Variants in KCNMA1 observed in about 807,000 individuals in gnomAD.
The protein encoded by KCNMA1 is potassium calcium-activated channel subfamily M alpha 1.
A neutral mutation model predicts 140.0 loss-of-function variants in KCNMA1; 29 were observed. That is an observed-to-expected ratio of 0.21 (90% confidence interval 0.15 to 0.28). The LOEUF (loss-of-function observed/expected upper bound fraction) is 0.28, where lower values mean the gene tolerates loss of function less well. Among genes scored for constraint, KCNMA1 ranks in the 10% least tolerant of loss-of-function variants. The pLI, the probability that KCNMA1 is intolerant of heterozygous loss-of-function variation, is 1.00. For synonymous variants in KCNMA1, 612 were observed against 611.9 expected (o/e 1.00, Z 0.00); for missense variants, 880 against 1,602.2 (o/e 0.55, Z 7.70).
chr10:77,214,515 T>G (rs1346645179), intron 3 of KCNMA1, among the ~76,000 whole-genome samples: 2 of 152,216 alleles, frequency 1.3e-5, no homozygotes, highest in African/African-American at 4.8e-5. Flanking sequence ...AGCTCTCCCT[T>G]GCTGCTGGAG....
At chr10:77,299,852 G>C (rs143566724) in intron 2 of KCNMA1, among the ~76,000 whole-genome samples, 148 of 152,292 alleles carry the variant, frequency 9.7e-4, no homozygotes, top group Middle Eastern at 6.8e-3. Context: ...GAGCTACAAG[G>C]CTCTCCAATT....
intron 1 of KCNMA1, among the ~76,000 whole-genome samples, chr10:77,560,798 C>A (rs1332516192): frequency 1.3e-5 from 2 of 152,236 alleles, no homozygotes; most frequent in Non-Finnish European, 2.9e-5. Flanking sequence ...TTGGGCCCAG[C>A]CTCTACATCT....
chr10:77,352,388 C>T (rs966994464), intron 2 of KCNMA1, among the ~76,000 whole-genome samples: 1 of 152,188 alleles, frequency 6.6e-6, no homozygotes, highest in African/African-American at 2.4e-5. Flanking sequence ...TTCCCTTTCC[C>T]CTTTATGGTA....
At chr10:77,112,180 C>T (rs1379534554) in intron 7 of KCNMA1, among the ~76,000 whole-genome samples, 187 bp downstream of exon 7, 1 of 152,174 alleles carries the variant, frequency 6.6e-6, no homozygotes, top group Non-Finnish European at 1.5e-5. Context: ...AAACATTACT[C>T]ACCATTTGGA....
intron 2 of KCNMA1, among the ~76,000 whole-genome samples, chr10:77,337,677 A>T (rs1348237332): frequency 6.6e-6 from 1 of 152,226 alleles, no homozygotes; most frequent in Non-Finnish European, 1.5e-5. Flanking sequence ...ATCATTTATT[A>T]TAATCACTGT....
At chr10:76,971,990 T>G (rs531156774) in intron 19 of KCNMA1, among the ~76,000 whole-genome samples, 1 of 151,988 alleles carries the variant, frequency 6.6e-6, no homozygotes, top group African/African-American at 2.4e-5. Flanking sequence ...TGTGTGTGTG[T>G]GTGTGTGTAG....
At chr10:77,563,897 C>T (rs1357000365) in intron 1 of KCNMA1, among the ~76,000 whole-genome samples, 2 of 152,208 alleles carry the variant, frequency 1.3e-5, no homozygotes, top group Admixed American at 6.5e-5. Flanking sequence ...ATAAGCAAGT[C>T]GTCTCTTGCT....
chr10:77,576,623 C>T lies in KCNMA1; in HGVS notation c.378+60642G>A, dbSNP rs547807558. Among the ~76,000 whole-genome samples, 4 of 152,320 alleles carry T rather than the reference C, an allele frequency of 2.6e-5. 1 individual carries two copies. Among genetic ancestry groups the T allele is most frequent in the African/African-American group, 9.6e-5 (4 of 41,564 alleles). On this transcript the variant is annotated intron_variant, in intron 1 of 27. Coordinates refer to ENST00000286628, the MANE Select transcript of KCNMA1 (RefSeq NM_001161352.2). ...CAGCTGGGGCACAATGACAGAAACA[C>T]AGGAAGCACACAGCCGTGCAAGAAA...
intron 1 of KCNMA1, among the ~76,000 whole-genome samples, chr10:77,489,883 G>T (rs1226637868): frequency 6.6e-6 from 1 of 152,224 alleles, no homozygotes; most frequent in African/African-American, 2.4e-5. Flanking sequence ...TTGGATCCCA[G>T]CTCTGGTGCA....
At chr10:77,023,359 C>A (rs956076674) in intron 16 of KCNMA1, among the ~76,000 whole-genome samples, 14 of 152,088 alleles carry the variant, frequency 9.2e-5, no homozygotes, top group African/African-American at 3.4e-4. Context: ...ATATATATTT[C>A]TCTCCTCTCC....
At chr10:77,472,497 A>G (rs2154528928) in intron 1 of KCNMA1, among the ~76,000 whole-genome samples, 1 of 151,476 alleles carries the variant, frequency 6.6e-6, no homozygotes, top group African/African-American at 2.4e-5. Context: ...CATCACACAT[A>G]CACATACACA....
intron 2 of KCNMA1, among the ~76,000 whole-genome samples, chr10:77,347,390 A>T (rs1397565999): frequency 2.0e-5 from 3 of 152,214 alleles, no homozygotes; most frequent in African/African-American, 4.8e-5. Context: ...TGAACTTAGG[A>T]TTGGAACTCA....
intron 1 of KCNMA1, among the ~76,000 whole-genome samples, chr10:77,418,534 T>C (rs2096793191): frequency 6.6e-6 from 1 of 151,980 alleles, no homozygotes; most frequent in Non-Finnish European, 1.5e-5. Flanking sequence ...GCTCACCGAG[T>C]GTCTGGAAGT....
chr10:77,533,476 C>CTTGTGTTTCTCCTGCCTTCT (rs2058171294), intron 1 of KCNMA1, among the ~76,000 whole-genome samples: 1 of 152,174 alleles, frequency 6.6e-6, no homozygotes, highest in Non-Finnish European at 1.5e-5. Flanking sequence ...GGAAGGCAGG[C>CTTGTGTTTCTCCTGCCTTCT]ATCCCGGGAG....
chr10:76,987,985 A>G (rs1389263014), intron 19 of KCNMA1, among the ~76,000 whole-genome samples: 1 of 152,186 alleles, frequency 6.6e-6, no homozygotes, highest in Non-Finnish European at 1.5e-5. Context: ...GAAGGGCAAC[A>G]ATGGCAGACT....
intron 1 of KCNMA1, among the ~76,000 whole-genome samples, chr10:77,417,997 TCACCC>T (rs1274585683): frequency 1.3e-5 from 2 of 152,138 alleles, no homozygotes; most frequent in African/African-American, 4.8e-5. Context: ...GCCTCTGACC[TCACCC>T]CTTGGAAGAA....
At chr10:77,109,627 C>T (rs891849809) in intron 8 of KCNMA1, among the ~76,000 whole-genome samples, 1 of 152,168 alleles carries the variant, frequency 6.6e-6, no homozygotes, top group Admixed American at 6.5e-5. Context: ...GTTTGCAAAA[C>T]TGCACTCTGC....
Position 77,083,792 on chromosome 10 carries a change from G to A in KCNMA1, c.1523+845C>T, listed in dbSNP as rs1422838722. ...CAAGGTTATAGTGAGCTATGATTGA[G>A]TCCCTGCACTCCAGCCTGGGCGATA... is the stretch of plus-strand genomic sequence containing the variant. On this transcript the variant is annotated intron_variant, in intron 12 of 27. Coordinates refer to ENST00000286628, the MANE Select transcript of KCNMA1 (RefSeq NM_001161352.2). 2.1e-5 allele frequency among the ~76,000 whole-genome samples: 3 copies of A among 142,372 alleles called. No individual in the cohort carries two copies. In the Admixed American group the frequency reaches 2.2e-4, roughly 11 times the overall value. 93.4% of individuals were successfully genotyped at this position (142,372 alleles called of 152,430 possible).
downstream of KCNMA1, chr10:76,872,987 A>G (rs892992373): frequency 4.6e-5 from 7 of 152,216 alleles, no homozygotes; most frequent in Non-Finnish European, 8.8e-5. Context: ...AAATATGCCA[A>G]AAGAGGAAGG....
Sources: gnomAD v4.1 joint callset for allele counts (sites outside exome capture counted in the v4.1 genomes callset) on GRCh38, gnomAD v4.1.1 for gene constraint, MANE v1.5 for transcripts, NCBI Gene and HGNC (gene_info 2026-07-23, HGNC 2026-07-21) for gene names.